MYO5B: variants seen among roughly 807,000 people sequenced by gnomAD.
MYO5B encodes the protein myosin VB, also known as unconventional myosin-Vb.
A neutral mutation model predicts 229.3 loss-of-function variants in MYO5B; 143 were observed. The observed-to-expected ratio is 0.62, with a 90% confidence interval of 0.54 to 0.72. The LOEUF (loss-of-function observed/expected upper bound fraction) is 0.72, where lower values mean the gene tolerates loss of function less well. Ranked by LOEUF, MYO5B falls within the 30% of genes least tolerant of loss-of-function variation. The pLI is 0.00. For missense variants in MYO5B, 2,321 were observed against 2,331.0 expected, an observed-to-expected ratio of 1.00 and a Z score of 0.09; for synonymous variants, 918 against 885.2, an observed-to-expected ratio of 1.04 and a Z score of -0.66.
chr18:49,923,416 G>T (rs1390650069), intron 17 of MYO5B, among the ~76,000 whole-genome samples: 3 of 152,142 alleles, frequency 2.0e-5, no homozygotes, highest in Non-Finnish European at 4.4e-5. Flanking sequence ...ACACCACAAA[G>T]GCCAGAAACT....
At chr18:49,948,217 G>A (rs1057149187) in intron 14 of MYO5B, among the ~76,000 whole-genome samples, 12 of 152,188 alleles carry the variant, frequency 7.9e-5, no homozygotes, top group Non-Finnish European at 1.6e-4. Context: ...TTTGGGTGGT[G>A]TCTCTTCCCC....
rs181801211 is a variant in MYO5B at position 49,891,323 on chromosome 18, C to A, written c.3045+3618G>T. ...AGTGAAATCATACCCCTCAGGCCCCCACAGGTCACCCTCCATCCCCTTTAC... is the reference window on the plus strand; with the variant it reads ...AGTGAAATCATACCCCTCAGGCCCCAACAGGTCACCCTCCATCCCCTTTAC... On this transcript the variant is annotated intron_variant, in intron 22 of 39. Transcript: ENST00000285039. Among the ~76,000 whole-genome samples the A allele has an allele frequency of 3.0e-3, 454 of 152,300 alleles. 9 individuals carry two copies. Among genetic ancestry groups the A allele is most frequent in the Admixed American group, 0.027 (414 of 15,294 alleles).
chr18:49,844,064 A>G (rs1192295431), intron 33 of MYO5B, among the ~76,000 whole-genome samples: 1 of 151,994 alleles, frequency 6.6e-6, no homozygotes, highest in African/African-American at 2.4e-5. Context: ...TCTCCTCTGT[A>G]TCCCACACTC....
chr18:50,149,824 T>C (rs868644074), intron 1 of MYO5B, among the ~76,000 whole-genome samples: 2 of 151,996 alleles, frequency 1.3e-5, no homozygotes, highest in African/African-American at 4.8e-5. Flanking sequence ...GAGCCAAAAT[T>C]GACAAATGGG....
intron 1 of MYO5B, among the ~76,000 whole-genome samples, chr18:50,120,131 A>T (rs1511152): frequency 0.044 from 6,645 of 152,338 alleles, 171 homozygotes; most frequent in Non-Finnish European, 0.061. Context: ...AGCATTTATG[A>T]TATAGACAGA....
chr18:49,969,333 C>G (rs1282709160), intron 10 of MYO5B, among the ~76,000 whole-genome samples: 4 of 152,098 alleles, frequency 2.6e-5, no homozygotes, highest in Non-Finnish European at 5.9e-5. Flanking sequence ...AAAACTAAAG[C>G]AAAAGAATAT....
intron 27 of MYO5B, chr18:49,871,564 G>C (rs1176548417): frequency 6.4e-6 from 1 of 155,804 alleles, no homozygotes; most frequent in Non-Finnish European, 1.4e-5. Context: ...TTTTTGACAA[G>C]TCAAGTGCAG....
chr18:50,119,521 T>A (rs1403357482), intron 1 of MYO5B, among the ~76,000 whole-genome samples: 1 of 152,102 alleles, frequency 6.6e-6, no homozygotes, highest in Non-Finnish European at 1.5e-5. Context: ...CATGACAGGG[T>A]CAGAGAGAGA....
At chr18:49,981,657 A>G (rs893118124) in intron 8 of MYO5B, among the ~76,000 whole-genome samples, 1 of 152,244 alleles carries the variant, frequency 6.6e-6, no homozygotes, top group African/African-American at 2.4e-5. Flanking sequence ...GGCCTTGAAC[A>G]CTGCCTGGAA....
chr18:49,938,945 C>T (rs188703225), intron 14 of MYO5B, among the ~76,000 whole-genome samples: 1 of 151,928 alleles, frequency 6.6e-6, no homozygotes, highest in East Asian at 1.9e-4. Flanking sequence ...GGGACACCCT[C>T]ACCCCCTCAA....
At chr18:50,158,956 ATCAT>A (rs1440534897) in intron 1 of MYO5B, among the ~76,000 whole-genome samples, 2 of 152,194 alleles carry the variant, frequency 1.3e-5, no homozygotes, top group African/African-American at 4.8e-5. Flanking sequence ...GTTTGCCGTT[ATCAT>A]TATTAATGGA....
At chr18:49,850,866 A>G (rs554577788) in intron 31 of MYO5B, 1 of 152,742 alleles carries the variant, frequency 6.5e-6, no homozygotes, top group East Asian at 1.9e-4. Flanking sequence ...CTCGGCTACA[A>G]CTCTGACTCT....
chr18:49,879,701 TTGCTCAA>T (rs1324789383), intron 23 of MYO5B, among the ~76,000 whole-genome samples: 1 of 152,170 alleles, frequency 6.6e-6, no homozygotes. Flanking sequence ...AGAAGGGGAT[TTGCTCAA>T]AATCACAGTG....
rs2276176 is a variant in MYO5B, at chr18:49,878,934, A to G, written c.3276+11T>C. 0.22 allele frequency: 352,414 copies of G among 1,613,030 alleles called. 40,786 individuals carry two copies. Among genetic ancestry groups the G allele is most frequent in the East Asian group, 0.39 (17,353 of 44,824 alleles). On this transcript the variant is annotated intron_variant, in intron 24 of 39. Coordinates refer to ENST00000285039, the MANE Select transcript of MYO5B (RefSeq NM_001080467.3). ...ACCTGTGCCATGGCACAGCAGAAGC[A>G]CCCCCCTTGCCTTTATGATGGTCAT... is the stretch of plus-strand genomic sequence containing the variant.
At chr18:49,912,808 C>T (rs150811302) in intron 17 of MYO5B, among the ~76,000 whole-genome samples, 19 of 152,330 alleles carry the variant, frequency 1.2e-4, no homozygotes, top group Non-Finnish European at 2.1e-4. Flanking sequence ...TGAGAACAGT[C>T]TAATATATTG....
chr18:49,827,682 G>A (rs2023863659), intron 39 of MYO5B, among the ~76,000 whole-genome samples: 1 of 151,894 alleles, frequency 6.6e-6, no homozygotes, highest in African/African-American at 2.4e-5. Context: ...AGACCTATTG[G>A]ACACCATCAA....
intron 6 of MYO5B, among the ~76,000 whole-genome samples, chr18:49,991,387 CCA>C (rs1402406564): frequency 6.6e-6 from 1 of 152,090 alleles, no homozygotes; most frequent in African/African-American, 2.4e-5. Context: ...CAAGAATCTG[CCA>C]CAGACTCAAA....
At chr18:49,959,234 A>G (rs1323766805) in intron 12 of MYO5B, among the ~76,000 whole-genome samples, 1 of 152,154 alleles carries the variant, frequency 6.6e-6, no homozygotes, top group Non-Finnish European at 1.5e-5. Flanking sequence ...ATCAAAGATG[A>G]CACTTCAGTG....
rs187748947 is a variant in MYO5B at position 49,898,503 on chromosome 18, C to T, written c.2812-3329G>A. ...AGAGAGCCGAGTTCACGGACTACAT[C>T]GTTTTACTGAATGACGTCATACCAC... On this transcript the variant is annotated intron_variant, in intron 21 of 39. Coordinates refer to ENST00000285039, the MANE Select transcript of MYO5B (RefSeq NM_001080467.3). 1.2e-3 allele frequency among the ~76,000 whole-genome samples: 184 copies of T among 152,294 alleles called. 1 individual carries two copies. The highest frequency in any genetic ancestry group is 4.3e-3 in the African/African-American group (177 of 41,558).
Sources: gnomAD v4.1 joint callset for allele counts (sites outside exome capture counted in the v4.1 genomes callset) on GRCh38, gnomAD v4.1.1 for gene constraint, MANE v1.5 for transcripts, NCBI Gene and HGNC (gene_info 2026-07-23, HGNC 2026-07-21) for gene names.